Variants in COL23A1 observed in about 807,000 individuals in gnomAD.
COL23A1 encodes the protein collagen alpha-1(XXIII) chain.
Under a neutral mutation model 99.3 loss-of-function variants are expected in COL23A1, and 97 were observed. That is an observed-to-expected ratio of 0.98 (90% confidence interval 0.83 to 1.16). The LOEUF (loss-of-function observed/expected upper bound fraction) is 1.16, where lower values mean the gene tolerates loss of function less well. Among genes scored for constraint, COL23A1 ranks in the 50% most tolerant of loss-of-function variants. The probability of loss-of-function intolerance (pLI) is 0.00; values close to 1 mark genes in which losing one functional copy is unlikely to be tolerated. For missense variants in COL23A1, 762 were observed against 757.4 expected, an observed-to-expected ratio of 1.01 and a Z score of -0.07; for synonymous variants, 320 against 308.2, an observed-to-expected ratio of 1.04 and a Z score of -0.40.
rs1763378632 is a variant in COL23A1, at chr5:178,576,685, T to G, written c.294+13219A>C. On this transcript the variant is annotated intron_variant, in intron 1 of 28. Transcript: ENST00000390654. ...CCCGGGCTGTTCCTGATCCTCGAAC[T>G]CTCTCCTCCCCACGGCCGCGGTCTC... 2.0e-5 allele frequency among the ~76,000 whole-genome samples: 3 copies of G among 152,082 alleles called. 1 individual carries two copies. The South Asian group carries it at 6.2e-4, about 31-fold the overall frequency.
intron 1 of COL23A1, among the ~76,000 whole-genome samples, chr5:178,563,512 G>A (rs1190050791): frequency 1.4e-5 from 2 of 145,436 alleles, no homozygotes; most frequent in Non-Finnish European, 3.0e-5. Flanking sequence ...CCTTGAGCCG[G>A]ACCTCAGAAC....
intron 2 of COL23A1, among the ~76,000 whole-genome samples, chr5:178,459,199 T>C (rs569654505): frequency 9.2e-5 from 14 of 152,324 alleles, no homozygotes; most frequent in African/African-American, 3.4e-4. Context: ...TAAATATTTG[T>C]TAATTTTTAA....
intron 2 of COL23A1, among the ~76,000 whole-genome samples, chr5:178,552,203 C>T (rs1188516866): frequency 2.0e-5 from 3 of 152,200 alleles, no homozygotes; most frequent in Admixed American, 6.5e-5. Flanking sequence ...TGTACCTCTC[C>T]TGCCTTCCTC....
intron 2 of COL23A1, among the ~76,000 whole-genome samples, chr5:178,349,383 T>G (rs542457808): frequency 6.6e-6 from 1 of 152,064 alleles, no homozygotes; most frequent in Non-Finnish European, 1.5e-5. Context: ...ATCACACCGG[T>G]GTTGATAACC....
chr5:178,436,043 C>A (rs896917671), intron 2 of COL23A1, among the ~76,000 whole-genome samples: 1 of 152,220 alleles, frequency 6.6e-6, no homozygotes, highest in Non-Finnish European at 1.5e-5. Flanking sequence ...TCTGCCTGGG[C>A]ACTGAAGGCC....
chr5:178,533,307 G>A (rs886740234), intron 2 of COL23A1, among the ~76,000 whole-genome samples: 7 of 152,282 alleles, frequency 4.6e-5, no homozygotes, highest in African/African-American at 1.4e-4. Flanking sequence ...TTGCTAGAAC[G>A]TTTTCATCAT....
intron 3 of COL23A1, among the ~76,000 whole-genome samples, chr5:178,300,209 G>C (rs980817379): frequency 1.3e-5 from 2 of 151,942 alleles, no homozygotes; most frequent in African/African-American, 4.8e-5. Context: ...GGGATTACAG[G>C]CGTGTGCATG....
At chr5:178,431,461 G>A (rs1455506063) in intron 2 of COL23A1, among the ~76,000 whole-genome samples, 1 of 152,194 alleles carries the variant, frequency 6.6e-6, no homozygotes. Flanking sequence ...AACAGAAACT[G>A]CAGATGTGAT....
chr5:178,560,801 CAG>C (rs1762523835), intron 1 of COL23A1, 53 bp from the exon 2 acceptor site: 1 of 1,540,072 alleles, frequency 6.5e-7, no homozygotes, highest in Non-Finnish European at 8.8e-7. Flanking sequence ...AGTTTCAGAA[CAG>C]AGAGGGGTAA....
Position 178,252,689 on chromosome 5 carries a change from G to A in COL23A1, c.961-92C>T, listed in dbSNP as rs960252557. On this transcript the variant is annotated intron_variant, in intron 16 of 28. Transcript: ENST00000390654. ...GCTCCCCACCTGGAATCAAGTCCCC[G>A]TCCAGCTGAGCAGAGCAGGGGCAGG... 19 of 1,103,382 alleles carry A rather than the reference G, an allele frequency of 1.7e-5. No homozygotes were observed. The Admixed American group carries it at 2.6e-4, about 15-fold the overall frequency. 68.3% of individuals were successfully genotyped at this position (1,103,382 alleles called of 1,614,324 possible).
At chr5:178,480,349 C>T (rs1181996706) in intron 2 of COL23A1, among the ~76,000 whole-genome samples, 3 of 152,072 alleles carry the variant, frequency 2.0e-5, no homozygotes, top group East Asian at 1.9e-4. Context: ...CTGGATCCAC[C>T]GGTCACCTCG....
chr5:178,445,227 G>C (rs773596581), intron 2 of COL23A1, among the ~76,000 whole-genome samples: 8 of 152,002 alleles, frequency 5.3e-5, no homozygotes, highest in Non-Finnish European at 1.2e-4. Flanking sequence ...CCTTTTCCCG[G>C]TGATTTGAAA....
intron 4 of COL23A1, 123 bp downstream of exon 4, chr5:178,290,239 A>T: frequency 7.1e-7 from 1 of 1,417,980 alleles, no homozygotes; most frequent in Non-Finnish European, 1.0e-6. Flanking sequence ...GCCACTTTTT[A>T]ATAGGACTGA....
At chr5:178,334,774 G>A (rs1320203979) in intron 2 of COL23A1, among the ~76,000 whole-genome samples, 2 of 152,126 alleles carry the variant, frequency 1.3e-5, no homozygotes, top group African/African-American at 4.8e-5. Flanking sequence ...CACATATGTT[G>A]TCTCACACGT....
At chr5:178,241,212 C>T (rs1254115430) in intron 27 of COL23A1, among the ~76,000 whole-genome samples, 2 of 152,086 alleles carry the variant, frequency 1.3e-5, no homozygotes, top group Middle Eastern at 3.2e-3. Context: ...CAGAGTGAGA[C>T]TCTGTCTCCG....
At chr5:178,245,832 A>T (rs949773046) in intron 25 of COL23A1, 110 bp downstream of exon 25, 1 of 1,300,158 alleles carries the variant, frequency 7.7e-7, no homozygotes, top group Non-Finnish European at 1.1e-6. Flanking sequence ...TTGCAGTCCC[A>T]GCCCTGGGGA....
intron 2 of COL23A1, among the ~76,000 whole-genome samples, chr5:178,498,238 ATATATATATATATATAT>A (rs1562025609): frequency 0.015 from 905 of 62,408 alleles, 84 homozygotes; most frequent in African/African-American, 0.072. Context: ...ATATATATAT[ATATATATATATATATAT>A]ATAAAAGAAC....
chr5:178,517,719 G>A (rs1474684167), intron 2 of COL23A1, among the ~76,000 whole-genome samples: 3 of 131,114 alleles, frequency 2.3e-5, no homozygotes, highest in Admixed American at 8.6e-5. Flanking sequence ...GTGCCACCAC[G>A]CCAAGCTAAT....
intron 19 of COL23A1, 132 bp downstream of exon 19, chr5:178,248,979 TGTCCCC>T: frequency 1.3e-6 from 1 of 782,700 alleles, no homozygotes; most frequent in Non-Finnish European, 2.2e-6. Context: ...GAGCCTAGAG[TGTCCCC>T]GGCCGGCTGG....
Sources: gnomAD v4.1 joint callset for allele counts (sites outside exome capture counted in the v4.1 genomes callset) on GRCh38, gnomAD v4.1.1 for gene constraint, MANE v1.5 for transcripts, NCBI Gene and HGNC (gene_info 2026-07-23, HGNC 2026-07-21) for gene names.